The following CNTNAP5 variants were observed in gnomAD, a reference collection of about 807,000 sequenced individuals.
The protein encoded by CNTNAP5 is contactin-associated protein-like 5.
A neutral mutation model predicts 150.2 loss-of-function variants in CNTNAP5; 72 were observed. The observed-to-expected ratio is 0.48, with a 90% CI of 0.40 to 0.58. The LOEUF is 0.58. Ranked by LOEUF, CNTNAP5 falls within the 20% of genes least tolerant of loss-of-function variation. CNTNAP5 has a pLI of 0.00. For synonymous variants in CNTNAP5, 672 were observed against 619.8 expected (o/e 1.08, Z -1.25); for missense variants, 1,636 against 1,626.2 (o/e 1.01, Z -0.10).
chr2:124,559,805 T>C (rs958638671), intron 10 of CNTNAP5, among the ~76,000 whole-genome samples: 1 of 152,208 alleles, frequency 6.6e-6, no homozygotes, highest in Non-Finnish European at 1.5e-5. Context: ...ATTGGTGTCA[T>C]GTGTCTTTTA....
At chr2:124,468,236 T>C (rs1693427415) in intron 6 of CNTNAP5, among the ~76,000 whole-genome samples, 1 of 152,046 alleles carries the variant, frequency 6.6e-6, no homozygotes, top group Admixed American at 6.6e-5. Flanking sequence ...TGAAGCCCCA[T>C]GGTAGGTTGT....
At chr2:124,131,385 A>C (rs1683839164) in intron 1 of CNTNAP5, among the ~76,000 whole-genome samples, 1 of 152,174 alleles carries the variant, frequency 6.6e-6, no homozygotes, top group South Asian at 2.1e-4. Flanking sequence ...TCCTGCCAAC[A>C]ATCTTATATC....
At chr2:124,762,815 T>C (rs547848559) in intron 14 of CNTNAP5, among the ~76,000 whole-genome samples, 1 of 152,230 alleles carries the variant, frequency 6.6e-6, no homozygotes, top group South Asian at 2.1e-4. Flanking sequence ...AGGCCAGCTA[T>C]CTAATATCTC....
intron 6 of CNTNAP5, among the ~76,000 whole-genome samples, chr2:124,468,344 G>T (rs552253826): frequency 6.6e-6 from 1 of 152,082 alleles, no homozygotes; most frequent in Non-Finnish European, 1.5e-5. Flanking sequence ...GTGGCAGAAG[G>T]CCCAAGAGTC....
chr2:124,098,962 C>T (rs955834490), intron 1 of CNTNAP5, among the ~76,000 whole-genome samples: 6 of 152,150 alleles, frequency 3.9e-5, no homozygotes, highest in Non-Finnish European at 7.3e-5. Context: ...ATAATACTAA[C>T]ATCCACCATT....
chr2:124,910,337 TAAG>T (rs1337561613), intron 22 of CNTNAP5, among the ~76,000 whole-genome samples: 1 of 152,072 alleles, frequency 6.6e-6, no homozygotes, highest in African/African-American at 2.4e-5. Context: ...AGCAAAATTA[TAAG>T]AAGAAACAAG....
At chr2:124,817,442 A>C (rs774863886) in intron 19 of CNTNAP5, among the ~76,000 whole-genome samples, 104 of 152,274 alleles carry the variant, frequency 6.8e-4, no homozygotes, top group Non-Finnish European at 1.2e-3. Flanking sequence ...ACAAAAAAAA[A>C]CAAAAGCCCT....
intron 21 of CNTNAP5, among the ~76,000 whole-genome samples, chr2:124,883,962 GTTTC>G (rs1217867887): frequency 6.6e-6 from 1 of 151,744 alleles, no homozygotes; most frequent in Non-Finnish European, 1.5e-5. Context: ...GTACACATAT[GTTTC>G]TTTCTGTATA....
chr2:124,470,233 T>C (rs1355743479), intron 6 of CNTNAP5, among the ~76,000 whole-genome samples: 1 of 152,170 alleles, frequency 6.6e-6, no homozygotes, highest in African/African-American at 2.4e-5. Context: ...CATGTCAGTA[T>C]CTGTTGTTGA....
intron 13 of CNTNAP5, among the ~76,000 whole-genome samples, chr2:124,703,545 C>A (rs1156826546): frequency 1.3e-5 from 2 of 152,100 alleles, no homozygotes; most frequent in South Asian, 2.1e-4. Flanking sequence ...TAGATGCTGC[C>A]TAGCTTTGTA....
chr2:124,792,381 A>C (rs1317543746), intron 18 of CNTNAP5, among the ~76,000 whole-genome samples: 1 of 152,142 alleles, frequency 6.6e-6, no homozygotes, highest in Non-Finnish European at 1.5e-5. Context: ...TAAATGTCAG[A>C]TTTGGAGGTC....
chr2:124,705,328 G>T (rs1318611190), intron 13 of CNTNAP5, among the ~76,000 whole-genome samples: 1 of 152,112 alleles, frequency 6.6e-6, no homozygotes, highest in Non-Finnish European at 1.5e-5. Flanking sequence ...AGGAGTTCGA[G>T]ACCAGCCTGG....
chr2:124,238,807 C>T (rs916202234), intron 2 of CNTNAP5, among the ~76,000 whole-genome samples: 1 of 152,120 alleles, frequency 6.6e-6, no homozygotes, highest in African/African-American at 2.4e-5. Context: ...ATAGTGACTA[C>T]AAATAGTTTC....
intron 3 of CNTNAP5, among the ~76,000 whole-genome samples, chr2:124,322,961 A>G (rs1283405077): frequency 6.6e-6 from 1 of 152,236 alleles, no homozygotes; most frequent in Non-Finnish European, 1.5e-5. Context: ...AAGAAGGATT[A>G]GACTATGCTT....
chr2:124,871,802 T>C (rs1223182233), intron 21 of CNTNAP5, among the ~76,000 whole-genome samples: 2 of 152,120 alleles, frequency 1.3e-5, no homozygotes, highest in African/African-American at 4.8e-5. Flanking sequence ...TAAAATATCT[T>C]ACTTGATATT....
chr2:124,704,787 C>G (rs935907857), intron 13 of CNTNAP5, among the ~76,000 whole-genome samples: 2 of 151,530 alleles, frequency 1.3e-5, no homozygotes, highest in Admixed American at 1.3e-4. Flanking sequence ...CTCACCTCCC[C>G]CTACACCCCA....
chr2:124,435,333 C>T (rs1361695997), intron 5 of CNTNAP5, among the ~76,000 whole-genome samples: 2 of 152,002 alleles, frequency 1.3e-5, no homozygotes. Flanking sequence ...AGGCAGGTCG[C>T]GTTCATTGTC....
intron 21 of CNTNAP5, among the ~76,000 whole-genome samples, chr2:124,890,738 A>G (rs1678176347): frequency 6.6e-6 from 1 of 152,158 alleles, no homozygotes. Flanking sequence ...TTTTATATAG[A>G]CAATACATTA....
At chr2:124,341,965 T>C (rs1482295265) in intron 3 of CNTNAP5, among the ~76,000 whole-genome samples, 4 of 152,180 alleles carry the variant, frequency 2.6e-5, no homozygotes, top group African/African-American at 9.7e-5. Flanking sequence ...GGAAATGCTG[T>C]AATAGTTTGG....
Sources: gnomAD v4.1 joint callset for allele counts (sites outside exome capture counted in the v4.1 genomes callset) on GRCh38, gnomAD v4.1.1 for gene constraint, MANE v1.5 for transcripts, NCBI Gene and HGNC (gene_info 2026-07-23, HGNC 2026-07-21) for gene names.